The following LGMN variants were observed in gnomAD, a reference collection of about 807,000 sequenced individuals.
The protein encoded by LGMN is legumain, also known as asparaginyl endopeptidase.
A neutral mutation model predicts 56.8 loss-of-function variants in LGMN; 36 were observed. The observed-to-expected ratio is 0.63, with a 90% confidence interval of 0.49 to 0.84. The LOEUF (loss-of-function observed/expected upper bound fraction) is 0.84, where lower values mean the gene tolerates loss of function less well. LGMN is among the 40% of genes least tolerant of loss of function. The pLI, the probability that LGMN is intolerant of heterozygous loss-of-function variation, is 0.00. For missense variants in LGMN, 446 were observed against 556.1 expected (o/e 0.80, Z 1.99); for synonymous variants, 199 against 210.1 (o/e 0.95, Z 0.46).
intron 1 of LGMN, among the ~76,000 whole-genome samples, chr14:92,734,812 G>T (rs1024340870): frequency 6.6e-6 from 1 of 152,180 alleles, no homozygotes; most frequent in East Asian, 1.9e-4. Context: ...GACTCAGGGC[G>T]GCAGATGTGT....
At chr14:92,716,089 G>T in intron 5 of LGMN, 47 bp downstream of exon 5, 1 of 1,263,816 alleles carries the variant, frequency 7.9e-7, no homozygotes, top group South Asian at 1.3e-5. Flanking sequence ...TCTATACGGG[G>T]GTCCCAAGCC....
intron 9 of LGMN, 25 bp from the exon 10 acceptor site, chr14:92,711,773 A>C: frequency 6.2e-7 from 1 of 1,612,374 alleles, no homozygotes; most frequent in Non-Finnish European, 8.5e-7. Context: ...ACCATTAGAG[A>C]CCTTTGACAA....
chr14:92,705,514 C>CA (rs1315199362), intron 12 of LGMN, among the ~76,000 whole-genome samples: 1 of 151,066 alleles, frequency 6.6e-6, no homozygotes, highest in African/African-American at 2.5e-5. Context: ...AACAAACAAA[C>CA]AAACAAAAAA....
intron 1 of LGMN, among the ~76,000 whole-genome samples, chr14:92,735,821 G>A (rs1056547047): frequency 2.0e-5 from 3 of 151,710 alleles, no homozygotes; most frequent in Non-Finnish European, 2.9e-5. Flanking sequence ...TTTTCTTGGA[G>A]TAGCGGCTAG....
chr14:92,725,557 A>G (rs545733502), intron 2 of LGMN, among the ~76,000 whole-genome samples: 54 of 152,152 alleles, frequency 3.5e-4, no homozygotes, highest in Non-Finnish European at 6.9e-4. Flanking sequence ...AAATAAAAAT[A>G]AAAGCGGATT....
chr14:92,744,161 A>G (rs1282973718), intron 1 of LGMN, among the ~76,000 whole-genome samples: 1 of 152,102 alleles, frequency 6.6e-6, no homozygotes, highest in East Asian at 1.9e-4. Flanking sequence ...CCAAAAAGAA[A>G]AAAAAAAAGA....
chr14:92,735,263 C>T (rs1386001178), intron 1 of LGMN, among the ~76,000 whole-genome samples: 1 of 152,014 alleles, frequency 6.6e-6, no homozygotes, highest in Non-Finnish European at 1.5e-5. Context: ...CTGGAGTGCA[C>T]TGGGGCAATC....
At chr14:92,718,566 T>G (rs1325887369) in intron 3 of LGMN, among the ~76,000 whole-genome samples, 181 bp downstream of exon 3, 34 of 151,668 alleles carry the variant, frequency 2.2e-4, no homozygotes, top group Non-Finnish European at 5.9e-5. Context: ...AGAGCAAGAC[T>G]GTCTCAAATA....
chr14:92,747,622 C>T (rs1002499530), intron 1 of LGMN, among the ~76,000 whole-genome samples: 1 of 152,226 alleles, frequency 6.6e-6, no homozygotes, highest in Non-Finnish European at 1.5e-5. Context: ...TACTCCAGCC[C>T]TTTAACACTG....
chr14:92,713,286 C>T (rs139705482), intron 7 of LGMN, among the ~76,000 whole-genome samples: 9 of 151,994 alleles, frequency 5.9e-5, no homozygotes, highest in South Asian at 2.1e-4. Context: ...CACTATGTTG[C>T]CCAGGCTGGT....
chr14:92,719,176 A>ACCACCACCG lies in LGMN; in HGVS notation c.139-333_139-332insCGGTGGTGG, dbSNP rs1890243164. ...CGCCACTGCCACCACCACCACCACCACCACCATCACCACCACCGCCACCAA... is the reference window on the plus strand; with the variant it reads ...CGCCACTGCCACCACCACCACCACCACCACCACCGCCACCATCACCACCACCGCCACCAA... On this transcript the variant is annotated intron_variant, in intron 2 of 13. Coordinates refer to ENST00000334869, the MANE Select transcript of LGMN (RefSeq NM_005606.7). Among the ~76,000 whole-genome samples, 12 of 104,166 alleles carry ACCACCACCG rather than the reference A, an allele frequency of 1.2e-4. 2 individuals are homozygous for ACCACCACCG. The highest frequency in any genetic ancestry group is 5.0e-4 in the African/African-American group (11 of 21,948). The allele number at this position is 104,166 out of a possible 152,430, so 68.3% of individuals were successfully genotyped here. A position where few individuals can be genotyped will look rare whatever the true frequency, so the allele number is the denominator to read the frequency against.
At chr14:92,734,605 A>G (rs1031157703) in intron 1 of LGMN, among the ~76,000 whole-genome samples, 13 of 151,590 alleles carry the variant, frequency 8.6e-5, no homozygotes, top group African/African-American at 3.2e-4. Flanking sequence ...ATAGCACTAC[A>G]CTCCAGTCTG....
chr14:92,711,755 A>C lies in LGMN; in HGVS notation c.730-7T>G. 1 of 1,614,078 alleles carries C rather than the reference A, an allele frequency of 6.2e-7. No homozygotes were observed. Among genetic ancestry groups the C allele is most frequent in the Non-Finnish European group, 8.5e-7 (1 of 1,179,914 alleles). On this transcript the variant is annotated splice_region_variant and splice_polypyrimidine_tract_variant and intron_variant, in intron 9 of 13. Transcript: ENST00000334869. ...TCTCTTTAGTCAGATCTTCCTGCAA[A>C]AAGTGAGACCATTAGAGACCTTTGA...
chr14:92,746,724 T>C (rs1202990343), intron 1 of LGMN, among the ~76,000 whole-genome samples: 1 of 152,052 alleles, frequency 6.6e-6, no homozygotes, highest in East Asian at 1.9e-4. Context: ...GATGTACCCC[T>C]CTATTCTCAC....
intron 2 of LGMN, among the ~76,000 whole-genome samples, chr14:92,725,606 C>T (rs888953678): frequency 2.6e-5 from 4 of 151,680 alleles, no homozygotes; most frequent in African/African-American, 9.7e-5. Context: ...GACAGAGTCT[C>T]ACTCTGTCAC....
At chr14:92,720,591 C>T (rs190699440) in intron 2 of LGMN, among the ~76,000 whole-genome samples, 47 of 152,332 alleles carry the variant, frequency 3.1e-4, no homozygotes, top group African/African-American at 1.1e-3. Context: ...CTCCTGAATG[C>T]GGGAGGCGGC....
chr14:92,719,373 C>T (rs538803945), intron 2 of LGMN, among the ~76,000 whole-genome samples: 2 of 145,492 alleles, frequency 1.4e-5, no homozygotes, highest in African/African-American at 5.1e-5. Flanking sequence ...CCACCACCAC[C>T]AACACCGCCA....
chr14:92,739,060 A>G (rs1013288129), intron 1 of LGMN, among the ~76,000 whole-genome samples: 1 of 151,912 alleles, frequency 6.6e-6, no homozygotes, highest in Middle Eastern at 3.2e-3. Flanking sequence ...CACTAACACT[A>G]TTTTGGGAAA....
At chr14:92,705,059 G>A (rs544737329) in intron 12 of LGMN, among the ~76,000 whole-genome samples, 2 of 152,348 alleles carry the variant, frequency 1.3e-5, no homozygotes, top group South Asian at 4.1e-4. Flanking sequence ...GCCAGCGAGG[G>A]AGATGGACGG....
Sources: allele counts gnomAD v4.1 joint callset (sites outside exome capture counted in the v4.1 genomes callset), GRCh38; gene constraint gnomAD v4.1.1; transcripts MANE v1.5; gene names NCBI Gene and HGNC (gene_info 2026-07-23, HGNC 2026-07-21).